ITGA4: variants seen among roughly 807,000 people sequenced by gnomAD.
The protein encoded by ITGA4 is integrin subunit alpha 4.
ITGA4 carries 63 observed loss-of-function variants against 133.6 expected under a neutral mutation model. The ratio of observed to expected loss-of-function variants is 0.47; its 90% confidence interval spans 0.38 to 0.58. ITGA4 has a LOEUF of 0.58. Ranked by LOEUF, ITGA4 falls within the 20% of genes least tolerant of loss-of-function variation. The pLI is 0.00. For missense variants in ITGA4, 1,076 were observed against 1,252.7 expected, an observed-to-expected ratio of 0.86 and a Z score of 2.13; for synonymous variants, 483 against 438.0, an observed-to-expected ratio of 1.10 and a Z score of -1.28.
At chr2:181,532,727 C>T (rs978320672) in intron 25 of ITGA4, among the ~76,000 whole-genome samples, 7 of 152,288 alleles carry the variant, frequency 4.6e-5, no homozygotes, top group African/African-American at 1.7e-4. Flanking sequence ...TTTGAATACC[C>T]TTTGTTGCTT....
rs1441768137 is a variant in ITGA4 at position 181,535,686 on chromosome 2, T to A, written c.*159T>A. 31 of 864,922 alleles carry A rather than the reference T, an allele frequency of 3.6e-5. No homozygotes were observed. Among genetic ancestry groups the A allele is most frequent in the Non-Finnish European group, 4.8e-5 (29 of 598,294 alleles). 53.6% of individuals were successfully genotyped at this position (864,922 alleles called of 1,614,324 possible). ...TCATGCAAGGGGAAAATCTCAGCAA[T>A]GATTACTCTTTGAGATAGAAGAACT... On this transcript the variant is annotated 3_prime_UTR_variant, in exon 28 of 28. Transcript: ENST00000397033.
At chr2:181,518,893 GA>G in intron 17 of ITGA4, among the ~76,000 whole-genome samples, 1 of 152,068 alleles carries the variant, frequency 6.6e-6, no homozygotes, top group East Asian at 1.9e-4. Context: ...GGCTGGTTGT[GA>G]AAGTAAGCCA....
At chr2:181,502,604 T>C (rs958435812) in intron 15 of ITGA4, among the ~76,000 whole-genome samples, 1 of 152,080 alleles carries the variant, frequency 6.6e-6, no homozygotes, top group Non-Finnish European at 1.5e-5. Context: ...GTAGAAGTTC[T>C]TGTCTGATTG....
chr2:181,501,614 G>A (rs1264001192), intron 15 of ITGA4, among the ~76,000 whole-genome samples: 1 of 152,158 alleles, frequency 6.6e-6, no homozygotes, highest in Non-Finnish European at 1.5e-5. Flanking sequence ...GTAAGAAGTA[G>A]TTGAAGTCAA....
intron 26 of ITGA4, 97 bp from the exon 27 acceptor site, chr2:181,534,719 C>G (rs1165413787): frequency 9.6e-7 from 1 of 1,037,900 alleles, no homozygotes; most frequent in African/African-American, 1.6e-5. Context: ...CTAAATACTA[C>G]TGGGGATTAT....
chr2:181,521,203 C>T (rs1018898699), intron 17 of ITGA4, among the ~76,000 whole-genome samples: 10 of 152,082 alleles, frequency 6.6e-5, no homozygotes, highest in African/African-American at 2.4e-4. Flanking sequence ...CTAAGAACTT[C>T]TGTTCTTAGG....
At chr2:181,510,107 G>T (rs918321405) in intron 16 of ITGA4, among the ~76,000 whole-genome samples, 1 of 151,996 alleles carries the variant, frequency 6.6e-6, no homozygotes, top group Non-Finnish European at 1.5e-5. Context: ...CATAATGGGA[G>T]AAGATTGTAT....
Position 181,523,690 on chromosome 2 carries a change from G to A in ITGA4, c.2169+158G>A, listed in dbSNP as rs781696570. Among the ~76,000 whole-genome samples the A allele has an allele frequency of 1.3e-5, 2 of 152,024 alleles. No individual in the cohort carries two copies. The highest frequency in any genetic ancestry group is 2.9e-5 in the Non-Finnish European group (2 of 67,998). ...CTGGTTCTTGAAATCTTTGAGCTTT[G>A]TGTTTATATTCTTGGCAATGTTTGC... On this transcript the variant is annotated intron_variant, in intron 19 of 27. Coordinates refer to ENST00000397033, the MANE Select transcript of ITGA4 (RefSeq NM_000885.6). This position sits in a 1 kb window ranked among gnomAD's most constrained non-coding sequence, Gnocchi z 4.2.
In ITGA4 at chr2:181,522,173, ATAT is replaced by A. The variant is rs763629686; in HGVS notation, c.1923-15_1923-13del. On this transcript the variant is annotated splice_polypyrimidine_tract_variant and intron_variant, in intron 17 of 27. Transcript: ENST00000397033. ...TTATTTCCTAAACAAGAACTAAATAATATTACTTAATTTTTAGGCCCCATGAAA... is the reference window on the plus strand; with the variant it reads ...TTATTTCCTAAACAAGAACTAAATAATACTTAATTTTTAGGCCCCATGAAA... 2 of 1,495,078 alleles carry A rather than the reference ATAT, an allele frequency of 1.3e-6. No individual in the cohort carries two copies. The highest frequency in any genetic ancestry group is 1.8e-5 in the Admixed American group (1 of 55,128). 92.6% of individuals were successfully genotyped at this position (1,495,078 alleles called of 1,614,324 possible).
At chr2:181,476,111 C>T in intron 4 of ITGA4, 1 of 337,574 alleles carries the variant, frequency 3.0e-6, no homozygotes, top group Non-Finnish European at 5.4e-6. Flanking sequence ...AATGTGATGT[C>T]ACAGAGCAGC....
At position 181,458,214 on chromosome 2, in the gene ITGA4, C is replaced by G; in HGVS notation, c.216C>G (p.Pro72=). The change falls in exon 2 of 28, where the codon CCC becomes CCG. Residue 72 remains proline, a synonymous_variant. Coordinates refer to ENST00000397033, the MANE Select transcript of ITGA4 (RefSeq NM_000885.6). ...GANRWLLVGA[P]TANWLANASV... ...GCTTTAGGCTCCTAGTGGGTGCGCC[C>G]ACTGCCAACTGGCTCGCCAACGCTT... 1 of 1,613,992 alleles carries G rather than the reference C, an allele frequency of 6.2e-7. No individual in the cohort carries two copies. The highest frequency in any genetic ancestry group is 8.5e-7 in the Non-Finnish European group (1 of 1,179,936).
At chr2:181,487,077 A>G (rs1462136864) in intron 10 of ITGA4, among the ~76,000 whole-genome samples, 2 of 152,224 alleles carry the variant, frequency 1.3e-5, no homozygotes, top group Non-Finnish European at 2.9e-5. Flanking sequence ...TTATACAAGT[A>G]TTACTGTTCT....
rs1044579355 is a variant in ITGA4, at chr2:181,536,162, T to C, written c.*635T>C. ...CTTCAGACTGAACATGTACACTGGT[T>C]TGAGCTTAGTGAAATTACTTCTGGA... On this transcript the variant is annotated 3_prime_UTR_variant, in exon 28 of 28. Coordinates refer to ENST00000397033, the MANE Select transcript of ITGA4 (RefSeq NM_000885.6). The C allele has an allele frequency of 6.6e-6, 1 of 151,946 alleles. No individual in the cohort carries two copies. Among genetic ancestry groups the C allele is most frequent in the Admixed American group, 6.6e-5 (1 of 15,236 alleles). The allele number at this position is 151,946 out of a possible 1,614,324, so 9.4% of individuals were successfully genotyped here.
rs753324648 is a variant in ITGA4, at chr2:181,481,633, C to T, written c.790C>T (p.His264Tyr). 4 of 1,599,122 alleles carry T rather than the reference C, an allele frequency of 2.5e-6. No individual in the cohort carries two copies. The highest frequency in any genetic ancestry group is 2.6e-6 in the Non-Finnish European group (3 of 1,168,986). ...CGGAGCTGGTCATTTTCGGAGCCAG[C>T]ATACTACCGAAGTAGTCGGAGGAGC... ...SVGAGHFRSQ[H>Y]TTEVVGGAPQ... The change falls in exon 7 of 28, where the codon CAT becomes TAT. Residue 264 changes from histidine to tyrosine, a missense_variant. Around this residue, in one of 4 missense-constraint regions of ITGA4, gnomAD observed 436 missense variants for 590.7 expected, o/e 0.74. Coordinates refer to ENST00000397033, the MANE Select transcript of ITGA4 (RefSeq NM_000885.6).
At chr2:181,520,111 T>C (rs1686687794) in intron 17 of ITGA4, among the ~76,000 whole-genome samples, 1 of 152,142 alleles carries the variant, frequency 6.6e-6, no homozygotes, top group African/African-American at 2.4e-5. Flanking sequence ...GTGCCCCGTG[T>C]GCTTTGAGAG....
chr2:181,531,906 T>C, intron 25 of ITGA4, 130 bp downstream of exon 25: 1 of 560,966 alleles, frequency 1.8e-6, no homozygotes, highest in Non-Finnish European at 3.0e-6. Context: ...GGAGTAAAAC[T>C]CTAAAACTGT....
chr2:181,482,328 A>G, intron 7 of ITGA4, 32 bp from the exon 8 acceptor site: 1 of 1,566,738 alleles, frequency 6.4e-7, no homozygotes, highest in Non-Finnish European at 8.6e-7. Flanking sequence ...TGTTATTCCT[A>G]AAAACTTTTC....
At chr2:181,509,575 G>C in intron 15 of ITGA4, 83 bp from the exon 16 acceptor site, 1 of 1,012,428 alleles carries the variant, frequency 9.9e-7, no homozygotes, top group Non-Finnish European at 1.4e-6. Context: ...TATAGTGTTT[G>C]GCCCTTTTCA....
intron 10 of ITGA4, among the ~76,000 whole-genome samples, chr2:181,487,878 G>A (rs546752769): frequency 1.3e-5 from 2 of 152,222 alleles, no homozygotes; most frequent in South Asian, 2.1e-4. Context: ...AAGACCTATG[G>A]ATAAAACCAT....
Sources: gnomAD v4.1 joint callset for allele counts (sites outside exome capture counted in the v4.1 genomes callset) on GRCh38, gnomAD v4.1.1 for gene constraint, gnomAD v4.1.1 regional missense constraint, Gnocchi (gnomAD v3.1) non-coding constraint, MANE v1.5 for transcripts, NCBI Gene and HGNC (gene_info 2026-07-23, HGNC 2026-07-21) for gene names.